The following NGEF variants were observed in gnomAD, a reference collection of about 807,000 sequenced individuals.
NGEF encodes the protein ephexin-1.
Under a neutral mutation model 80.9 loss-of-function variants are expected in NGEF, and 31 were observed. The observed-to-expected ratio is 0.38, with a 90% CI of 0.29 to 0.52. The LOEUF (loss-of-function observed/expected upper bound fraction) is 0.52. Ranked by LOEUF, NGEF falls within the 20% of genes least tolerant of loss-of-function variation. NGEF has a pLI of 0.84. For missense variants in NGEF, 709 were observed against 926.2 expected (o/e 0.77, Z 3.04); for synonymous variants, 371 against 370.2 (o/e 1.00, Z -0.03).
intron 1 of NGEF, among the ~76,000 whole-genome samples, chr2:232,997,984 G>A (rs1211312351): frequency 6.6e-6 from 1 of 152,208 alleles, no homozygotes. Context: ...ACAGGGGGTG[G>A]CTTCTGCCAC....
At chr2:232,916,895 A>G (rs1436118907) in intron 5 of NGEF, among the ~76,000 whole-genome samples, 1 of 152,220 alleles carries the variant, frequency 6.6e-6, no homozygotes, top group Non-Finnish European at 1.5e-5. Flanking sequence ...TCTCCTGAGC[A>G]ACCTCCACTC....
At chr2:233,000,742 A>G (rs927717290) in intron 1 of NGEF, among the ~76,000 whole-genome samples, 12 of 149,004 alleles carry the variant, frequency 8.1e-5, no homozygotes, top group African/African-American at 2.0e-4. Context: ...CTCGGGCGAC[A>G]GAGCGAGACT....
chr2:232,920,077 G>T (rs1163182342), intron 5 of NGEF, among the ~76,000 whole-genome samples: 1 of 152,230 alleles, frequency 6.6e-6, no homozygotes, highest in East Asian at 1.9e-4. Flanking sequence ...AATGTTGGGG[G>T]TGAGCTGTCC....
At chr2:232,915,461 C>T (rs1373661270) in intron 5 of NGEF, among the ~76,000 whole-genome samples, 1 of 152,176 alleles carries the variant, frequency 6.6e-6, no homozygotes, top group African/African-American at 2.4e-5. Flanking sequence ...ATTTTACACA[C>T]ACACTGCATC....
At chr2:232,973,431 G>A (rs887233261) in intron 2 of NGEF, among the ~76,000 whole-genome samples, 18 of 152,220 alleles carry the variant, frequency 1.2e-4, no homozygotes, top group African/African-American at 4.3e-4. Flanking sequence ...GAGTGGTGAA[G>A]TCAATTTCCC....
intron 1 of NGEF, among the ~76,000 whole-genome samples, chr2:232,977,433 G>C (rs926256780): frequency 2.0e-5 from 3 of 152,212 alleles, no homozygotes; most frequent in South Asian, 2.1e-4. Context: ...TGACGTCCCT[G>C]TCACTGGAGC....
chr2:232,904,681 C>A (rs1354507004), intron 5 of NGEF, among the ~76,000 whole-genome samples: 1 of 152,240 alleles, frequency 6.6e-6, no homozygotes, highest in Non-Finnish European at 1.5e-5. Flanking sequence ...TGGTGGCTCA[C>A]ACCTATAATC....
intron 1 of NGEF, among the ~76,000 whole-genome samples, chr2:232,980,049 CATTTGTTG>C (rs541620107): frequency 5.8e-4 from 88 of 152,266 alleles, no homozygotes; most frequent in Non-Finnish European, 1.1e-3. Context: ...CTATCTGACT[CATTTGTTG>C]GGGGGACCTG....
intron 3 of NGEF, among the ~76,000 whole-genome samples, chr2:232,949,209 G>A (rs1338251230): frequency 3.3e-5 from 5 of 152,200 alleles, no homozygotes; most frequent in Admixed American, 2.6e-4. Context: ...TGAAGGCGGA[G>A]CTCTTGGTCC....
chr2:232,981,083 G>A (rs918703433), intron 1 of NGEF, among the ~76,000 whole-genome samples: 1 of 151,300 alleles, frequency 6.6e-6, no homozygotes, highest in Non-Finnish European at 1.5e-5. Flanking sequence ...AGGGGTAAGG[G>A]TAGGAGAAGG....
At position 232,891,601 on chromosome 2, in the gene NGEF, C is replaced by G. The variant is rs1281597796; in HGVS notation, c.1143-114G>C. On this transcript the variant is annotated intron_variant, in intron 7 of 14. Coordinates refer to ENST00000264051, the MANE Select transcript of NGEF (RefSeq NM_019850.3). ...CCAGACGACCCACGGGCTCAGAAAA[C>G]ATGTTGATTTCTTTCTTTGTTTTTT... 4 of 1,210,636 alleles carry G rather than the reference C, an allele frequency of 3.3e-6. No individual in the cohort carries two copies. In the African/African-American group the frequency reaches 6.1e-5, roughly 19 times the overall value. 75.0% of individuals were successfully genotyped at this position (1,210,636 alleles called of 1,614,324 possible).
rs1477837303 is a variant in NGEF, at chr2:232,893,013, T to C, written c.1027A>G (p.Ile343Val). ...ATGTCACACACGTCAGAGATGACGA[T>C]GTTCTCCTCCATCCGGTGCTCCAGC... ...LELEHRMEENIVISDVCDIVY... is the reference protein window; with the variant it reads ...LELEHRMEENVVISDVCDIVY... Residue 343 changes from isoleucine to valine, a missense_variant, in exon 7 of 15, where the codon ATC becomes GTC. Transcript: ENST00000264051. 6 of 1,613,162 alleles carry C rather than the reference T, an allele frequency of 3.7e-6. No individual in the cohort carries two copies. In the East Asian group the frequency reaches 1.1e-4, roughly 30 times the overall value.
Position 232,965,063 on chromosome 2 carries a change from C to A in NGEF, c.383+5151G>T, listed in dbSNP as rs563304862. ...CTTCAATAAAGCATTATTTAAATCA[C>A]CTTTATGAATATGCTAACGACAGCG... On this transcript the variant is annotated intron_variant, in intron 3 of 14. Coordinates refer to ENST00000264051, the MANE Select transcript of NGEF (RefSeq NM_019850.3). Among the ~76,000 whole-genome samples, 262 of 152,306 alleles carry A rather than the reference C, an allele frequency of 1.7e-3. 1 individual carries two copies. The highest frequency in any genetic ancestry group is 3.2e-3 in the Non-Finnish European group (215 of 68,016).
chr2:232,879,271 A>G lies in NGEF; in HGVS notation c.*218T>C, dbSNP rs1285646475. On this transcript the variant is annotated 3_prime_UTR_variant, in exon 15 of 15. Coordinates refer to ENST00000264051, the MANE Select transcript of NGEF (RefSeq NM_019850.3). ...ACTGCTGAAACCTTCTTGTTTACAA[A>G]TGCATCAGGAGAGGCTTGGGCACCC... is the stretch of plus-strand genomic sequence containing the variant. 1 of 524,190 alleles carries G rather than the reference A, an allele frequency of 1.9e-6. No homozygotes were observed. Among genetic ancestry groups the G allele is most frequent in the Admixed American group, 3.2e-5 (1 of 31,412 alleles). 32.5% of individuals were successfully genotyped at this position (524,190 alleles called of 1,614,324 possible). A position where few individuals can be genotyped will look rare whatever the true frequency, so the allele number is the denominator to read the frequency against.
At chr2:232,949,559 C>A (rs1693634275) in intron 3 of NGEF, among the ~76,000 whole-genome samples, 1 of 151,322 alleles carries the variant, frequency 6.6e-6, no homozygotes, top group African/African-American at 2.4e-5. Context: ...CTCACTGCAA[C>A]GTCCGCCTCC....
chr2:232,997,074 G>A (rs1230073469), intron 1 of NGEF, among the ~76,000 whole-genome samples: 3 of 152,156 alleles, frequency 2.0e-5, no homozygotes, highest in Admixed American at 1.3e-4. Context: ...CCTCATAGTT[G>A]AGCACTGGGT....
chr2:232,901,153 C>A lies in NGEF; in HGVS notation c.829-6237G>T, dbSNP rs371074274. On this transcript the variant is annotated intron_variant, in intron 5 of 14. Transcript: ENST00000264051. ...ACACCCAAAGAGCGACGGGCTTTTACGCAGCCCGCGGGCCCCAATTCCCTG... is the reference window on the plus strand; with the variant it reads ...ACACCCAAAGAGCGACGGGCTTTTAAGCAGCCCGCGGGCCCCAATTCCCTG... Among the ~76,000 whole-genome samples, 3 of 152,306 alleles carry A rather than the reference C, an allele frequency of 2.0e-5. No homozygotes were observed. In the East Asian group the frequency reaches 5.8e-4, roughly 29 times the overall value.
At chr2:233,000,798 G>A (rs1308053032) in intron 1 of NGEF, among the ~76,000 whole-genome samples, 1 of 151,318 alleles carries the variant, frequency 6.6e-6, no homozygotes, top group Non-Finnish European at 1.5e-5. Context: ...ATGCCTCCCA[G>A]AGGTCCCATC....
chr2:232,994,415 ATAGAAGTTTTGAACACTGGTT>A (rs1694737555), intron 1 of NGEF, among the ~76,000 whole-genome samples: 1 of 152,150 alleles, frequency 6.6e-6, no homozygotes, highest in Non-Finnish European at 1.5e-5. Flanking sequence ...AGGGATATCA[ATAGAAGTTTTGAACACTGGTT>A]AACAGTTGGG....
Sources: allele counts gnomAD v4.1 joint callset (sites outside exome capture counted in the v4.1 genomes callset), GRCh38; gene constraint gnomAD v4.1.1; transcripts MANE v1.5; gene names NCBI Gene and HGNC (gene_info 2026-07-23, HGNC 2026-07-21).